SLC41A2: variants seen among roughly 807,000 people sequenced by gnomAD.
SLC41A2 encodes SLC41A1-like 1.
In SLC41A2, 32 loss-of-function variants were observed where a neutral mutation model predicts 58.3. The ratio of observed to expected loss-of-function variants is 0.55; its 90% CI spans 0.41 to 0.74. The LOEUF is 0.74. Among genes scored for constraint, SLC41A2 ranks in the 30% least tolerant of loss-of-function variants. The probability of loss-of-function intolerance (pLI) is 0.00; values close to 1 mark genes in which losing one functional copy is unlikely to be tolerated. For missense variants in SLC41A2, 514 were observed against 680.6 expected (o/e 0.76, Z 2.72); for synonymous variants, 190 against 235.0 (o/e 0.81, Z 1.75).
At chr12:104,909,399 T>C (rs566671650) in intron 3 of SLC41A2, among the ~76,000 whole-genome samples, 131 of 152,318 alleles carry the variant, frequency 8.6e-4, no homozygotes, top group Middle Eastern at 3.4e-3. Context: ...ATTTACCCCA[T>C]GCCTTAAGCA....
chr12:104,856,178 G>T (rs191573324), intron 8 of SLC41A2, among the ~76,000 whole-genome samples: 1 of 152,164 alleles, frequency 6.6e-6, no homozygotes, highest in East Asian at 1.9e-4. Flanking sequence ...CCATAAAGAA[G>T]GTGAAAACTA....
chr12:104,842,092 A>G (rs2042431373), intron 10 of SLC41A2, among the ~76,000 whole-genome samples: 1 of 152,118 alleles, frequency 6.6e-6, no homozygotes, highest in Admixed American at 6.5e-5. Flanking sequence ...CTAGTAAAGA[A>G]TATTAAAAGG....
At chr12:104,836,919 G>A (rs1319052983) in intron 10 of SLC41A2, among the ~76,000 whole-genome samples, 1 of 152,110 alleles carries the variant, frequency 6.6e-6, no homozygotes, top group African/African-American at 2.4e-5. Context: ...TACTAGTTAT[G>A]TACGACAATG....
chr12:104,928,508 C>G lies in SLC41A2; in HGVS notation c.20G>C (p.Arg7Thr), dbSNP rs780204706. 2 of 1,512,746 alleles carry G rather than the reference C, an allele frequency of 1.3e-6. No homozygotes were observed. The highest frequency in any genetic ancestry group is 2.3e-5 in the Admixed American group (1 of 44,064). 93.7% of individuals were successfully genotyped at this position (1,512,746 alleles called of 1,614,324 possible). A position where few individuals can be genotyped will look rare whatever the true frequency, so the allele number is the denominator to read the frequency against. The change falls in exon 2 of 11, where the codon AGA (arginine) becomes ACA (threonine). Residue 7 changes from arginine (R) to threonine (T), a missense_variant. Arg to Thr is a moderately conservative substitution (Grantham distance 71, BLOSUM62 -1). Around this residue, in one of 3 missense-constraint regions of SLC41A2, gnomAD observed 336 missense variants for 430.0 expected, o/e 0.78. Coordinates refer to ENST00000258538, the MANE Select transcript of SLC41A2 (RefSeq NM_001352171.3). MTNSKG[R>T]SITDKTSGGP... ...ACCACTTGTTTTATCGGTAATAGAT[C>G]TTCCTTTACTATTAGTCATATTGTC...
At chr12:104,806,037 G>A (rs573921331) in intron 10 of SLC41A2, among the ~76,000 whole-genome samples, 83 of 152,082 alleles carry the variant, frequency 5.5e-4, no homozygotes, top group African/African-American at 1.9e-3. Flanking sequence ...ACCTAGAGTA[G>A]GGGGATTTTC....
chr12:104,934,742 G>A (rs545667641), intron 1 of SLC41A2, among the ~76,000 whole-genome samples: 27 of 152,256 alleles, frequency 1.8e-4, no homozygotes, highest in South Asian at 1.0e-3. Context: ...CAACATGGAC[G>A]GAACCGGAGG....
intron 1 of SLC41A2, among the ~76,000 whole-genome samples, chr12:104,930,052 G>C (rs576843433): frequency 6.6e-6 from 1 of 152,314 alleles, no homozygotes; most frequent in South Asian, 2.1e-4. Context: ...AGGGGTCTGG[G>C]ATCTGGGAAT....
chr12:104,845,820 T>C, intron 9 of SLC41A2, 23 bp downstream of exon 9: 1 of 1,588,306 alleles, frequency 6.3e-7, no homozygotes, highest in Non-Finnish European at 8.6e-7. Context: ...ATCTAAAATA[T>C]GCAAAAATCC....
intron 1 of SLC41A2, among the ~76,000 whole-genome samples, chr12:104,943,716 G>A (rs773513631): frequency 2.6e-5 from 4 of 152,160 alleles, no homozygotes; most frequent in Admixed American, 6.5e-5. Context: ...TGAGAGGGGG[G>A]ACTGAGAGAC....
intron 1 of SLC41A2, among the ~76,000 whole-genome samples, chr12:104,951,067 C>T (rs2047933253): frequency 6.6e-6 from 1 of 152,092 alleles, no homozygotes; most frequent in Non-Finnish European, 1.5e-5. Flanking sequence ...AAGTAATTAA[C>T]AGGAAGAAAC....
intron 10 of SLC41A2, among the ~76,000 whole-genome samples, chr12:104,820,208 G>C (rs1439815267): frequency 1.3e-5 from 2 of 152,228 alleles, no homozygotes; most frequent in Non-Finnish European, 2.9e-5. Flanking sequence ...GGTCATCCCT[G>C]TAATCCTAGT....
intron 4 of SLC41A2, among the ~76,000 whole-genome samples, chr12:104,890,544 A>G (rs1337867181): frequency 6.6e-6 from 1 of 152,204 alleles, no homozygotes; most frequent in Non-Finnish European, 1.5e-5. Context: ...TAAATCTGTC[A>G]ATTTCTGAGA....
chr12:104,827,254 TA>T lies in SLC41A2; in HGVS notation c.1536+17217del, dbSNP rs556581939. On this transcript the variant is annotated intron_variant, in intron 10 of 10. Transcript: ENST00000258538. ...AGCCCCTGATATCAGGAGGAAGCTATAAAAACAGGTCCTGGGACCAGATAGC... is the reference window on the plus strand; with the variant it reads ...AGCCCCTGATATCAGGAGGAAGCTATAAAACAGGTCCTGGGACCAGATAGC... 4.4e-4 allele frequency among the ~76,000 whole-genome samples: 67 copies of T among 152,300 alleles called. 1 individual carries two copies. The highest frequency in any genetic ancestry group is 1.6e-3 in the African/African-American group (66 of 41,558).
intron 6 of SLC41A2, 81 bp downstream of exon 6, chr12:104,886,212 T>C (rs1056305068): frequency 6.9e-7 from 1 of 1,458,098 alleles, no homozygotes; most frequent in South Asian, 1.3e-5. Flanking sequence ...AAGGCTACCA[T>C]GGATTCATGG....
intron 1 of SLC41A2, among the ~76,000 whole-genome samples, chr12:104,942,527 C>T (rs1332863738): frequency 1.3e-5 from 2 of 150,996 alleles, no homozygotes; most frequent in East Asian, 3.9e-4. Flanking sequence ...CAAATGATTT[C>T]AGAGAACTTT....
chr12:104,886,936 C>T (rs1024022669), intron 5 of SLC41A2, among the ~76,000 whole-genome samples: 3 of 151,950 alleles, frequency 2.0e-5, no homozygotes, highest in Non-Finnish European at 4.4e-5. Flanking sequence ...TATTAAGCAG[C>T]AGGACATAAT....
At chr12:104,846,435 G>A (rs912049704) in intron 8 of SLC41A2, among the ~76,000 whole-genome samples, 1 of 152,212 alleles carries the variant, frequency 6.6e-6, no homozygotes, top group Admixed American at 6.5e-5. Context: ...ATGCCAGGAT[G>A]TGAAATGAAT....
At chr12:104,915,909 T>C (rs58535833) in intron 2 of SLC41A2, among the ~76,000 whole-genome samples, 2,790 of 152,288 alleles carry the variant, frequency 0.018, 61 homozygotes, top group East Asian at 0.11. Context: ...TGTGGGTTTG[T>C]CATAGATAGC....
At chr12:104,920,887 G>A (rs1484136638) in intron 2 of SLC41A2, among the ~76,000 whole-genome samples, 1 of 151,900 alleles carries the variant, frequency 6.6e-6, no homozygotes, top group African/African-American at 2.4e-5. Context: ...TCATGCCACT[G>A]CACTCCAGCC....
Sources: allele counts gnomAD v4.1 joint callset (sites outside exome capture counted in the v4.1 genomes callset), GRCh38; gene constraint gnomAD v4.1.1; regional missense constraint gnomAD v4.1.1; transcripts MANE v1.5; gene names NCBI Gene and HGNC (gene_info 2026-07-23, HGNC 2026-07-21).